GATAD2B: variants seen among roughly 807,000 people sequenced by gnomAD.
GATAD2B encodes GATA zinc finger domain containing 2B.
GATAD2B carries 8 observed loss-of-function variants against 64.3 expected under a neutral mutation model. That is an observed-to-expected ratio of 0.12 (90% CI 0.07 to 0.22). The LOEUF is 0.22. Among genes scored for constraint, GATAD2B ranks in the 10% least tolerant of loss-of-function variants. The pLI is 1.00. For synonymous variants in GATAD2B, 281 were observed against 271.3 expected (o/e 1.04, Z -0.35); for missense variants, 453 against 752.0 (o/e 0.60, Z 4.65).
chr1:153,865,447 T>C lies in GATAD2B; in HGVS notation c.-1-37099A>G, dbSNP rs544516198. Among the ~76,000 whole-genome samples, 3 of 151,936 alleles carry C rather than the reference T, an allele frequency of 2.0e-5. No homozygotes were observed. In the East Asian group the frequency reaches 5.8e-4, roughly 29 times the overall value. On this transcript the variant is annotated intron_variant, in intron 1 of 10. Transcript: ENST00000368655. ...CTGCACTCCAGCCTAGGTGACAGAG[T>C]GAGACTCCATCTCAAAAACAAATAA...
chr1:153,898,958 A>G (rs1490536346), intron 1 of GATAD2B: 1 of 152,244 alleles, frequency 6.6e-6, no homozygotes, highest in East Asian at 1.9e-4. Context: ...GGAACCGTAC[A>G]TGCTCCTTAC....
rs538993973 is a variant in GATAD2B at position 153,856,407 on chromosome 1, A to G, written c.-1-28059T>C. Among the ~76,000 whole-genome samples the G allele has an allele frequency of 1.3e-4, 20 of 152,302 alleles. No homozygotes were observed. The South Asian group carries it at 3.9e-3, about 30-fold the overall frequency. On this transcript the variant is annotated intron_variant, in intron 1 of 10. Transcript: ENST00000368655. ...GTGGTTTAGAAAAAATGTTTATGCT[A>G]TATATCAACAGCATATTGGTATGTG...
intron 1 of GATAD2B, among the ~76,000 whole-genome samples, chr1:153,909,038 CA>C: frequency 6.6e-6 from 1 of 151,960 alleles, no homozygotes; most frequent in East Asian, 2.0e-4. Flanking sequence ...CCCATCCCCA[CA>C]AAATTTATTT....
chr1:153,845,279 G>A (rs72694233), intron 1 of GATAD2B, among the ~76,000 whole-genome samples: 62,412 of 151,804 alleles, frequency 0.41, 13,961 homozygotes, highest in Non-Finnish European at 0.52. Flanking sequence ...AGGGTGCCAA[G>A]ACAGTTCAAT....
chr1:153,894,171 TA>T (rs1391089618), intron 1 of GATAD2B, among the ~76,000 whole-genome samples: 1 of 151,714 alleles, frequency 6.6e-6, no homozygotes, highest in Non-Finnish European at 1.5e-5. Context: ...GGAGAGAACA[TA>T]AAACAGACTT....
intron 1 of GATAD2B, among the ~76,000 whole-genome samples, chr1:153,855,540 G>T (rs1294762201): frequency 6.6e-6 from 1 of 151,862 alleles, no homozygotes; most frequent in African/African-American, 2.4e-5. Context: ...GTTTTCTATG[G>T]CTGCTATAAT....
At chr1:153,881,549 C>T (rs2101939990) in intron 1 of GATAD2B, among the ~76,000 whole-genome samples, 1 of 152,256 alleles carries the variant, frequency 6.6e-6, no homozygotes, top group Middle Eastern at 3.4e-3. Context: ...GAAACCTCAG[C>T]ATATTACCTT....
At chr1:153,843,181 C>G (rs1050006932) in intron 1 of GATAD2B, among the ~76,000 whole-genome samples, 1 of 151,604 alleles carries the variant, frequency 6.6e-6, no homozygotes, top group African/African-American at 2.4e-5. Context: ...GTTGCCCAGG[C>G]TGGAATGCAG....
intron 1 of GATAD2B, among the ~76,000 whole-genome samples, chr1:153,883,529 A>C (rs1677067655): frequency 6.6e-6 from 1 of 152,206 alleles, no homozygotes; most frequent in Non-Finnish European, 1.5e-5. Context: ...GTCGCAAGCA[A>C]AATAGATTAT....
rs181190050 is a variant in GATAD2B at position 153,861,878 on chromosome 1, A to G, written c.-1-33530T>C. 6.1e-3 allele frequency among the ~76,000 whole-genome samples: 866 copies of G among 141,458 alleles called. 10 individuals are homozygous for G. Among genetic ancestry groups the G allele is most frequent in the African/African-American group, 0.018 (640 of 35,180 alleles). 92.8% of individuals were successfully genotyped at this position (141,458 alleles called of 152,430 possible). ...TATGTATATATGTATATATATGTGT[A>G]TATATATATATGCATATCACTAAAG... is the stretch of plus-strand genomic sequence containing the variant. On this transcript the variant is annotated intron_variant, in intron 1 of 10. Coordinates refer to ENST00000368655, the MANE Select transcript of GATAD2B (RefSeq NM_020699.4).
intron 1 of GATAD2B, among the ~76,000 whole-genome samples, chr1:153,910,069 T>A (rs571305293): frequency 1.3e-5 from 2 of 151,840 alleles, no homozygotes; most frequent in Non-Finnish European, 2.9e-5. Context: ...GAGCCAAGAA[T>A]GCGCCACTGT....
chr1:153,892,163 C>CAAAAAAAAAAAA (rs900308080), intron 1 of GATAD2B, among the ~76,000 whole-genome samples: 5 of 50,314 alleles, frequency 9.9e-5, no homozygotes, highest in African/African-American at 1.6e-4. Flanking sequence ...GACTCCGTCT[C>CAAAAAAAAAAAA]AAAAAAAAAA....
intron 1 of GATAD2B, among the ~76,000 whole-genome samples, chr1:153,863,357 G>C (rs374123774): frequency 3.3e-5 from 5 of 151,786 alleles, no homozygotes; most frequent in African/African-American, 1.2e-4. Context: ...TTAGCTGGGC[G>C]TGGTGGTGCA....
intron 1 of GATAD2B, among the ~76,000 whole-genome samples, chr1:153,831,019 C>T (rs1022537984): frequency 6.6e-6 from 1 of 152,170 alleles, no homozygotes; most frequent in Admixed American, 6.6e-5. Context: ...GATCCTCCTG[C>T]GTCAGCCTCT....
chr1:153,865,376 G>A (rs1676440047), intron 1 of GATAD2B, among the ~76,000 whole-genome samples: 1 of 151,920 alleles, frequency 6.6e-6, no homozygotes, highest in Non-Finnish European at 1.5e-5. Flanking sequence ...CAGGAGAATC[G>A]CTTGAACATG....
intron 1 of GATAD2B, among the ~76,000 whole-genome samples, chr1:153,901,936 G>C (rs1677789048): frequency 6.7e-6 from 1 of 149,102 alleles, no homozygotes; most frequent in African/African-American, 2.5e-5. Flanking sequence ...TGGGGCAACA[G>C]GGATAATCAG....
chr1:153,826,819 T>C (rs969862818), intron 2 of GATAD2B, among the ~76,000 whole-genome samples: 1 of 151,834 alleles, frequency 6.6e-6, no homozygotes, highest in Non-Finnish European at 1.5e-5. Flanking sequence ...TGCACACCTG[T>C]AGTCCCAGCT....
chr1:153,845,603 G>C (rs926658807), intron 1 of GATAD2B, among the ~76,000 whole-genome samples: 11 of 149,930 alleles, frequency 7.3e-5, no homozygotes, highest in African/African-American at 2.7e-4. Flanking sequence ...AAATTAGCCA[G>C]GTGTGGTAGT....
At chr1:153,818,667 CAGACTAAA>C in intron 4 of GATAD2B, 116 bp downstream of exon 4, 1 of 841,444 alleles carries the variant, frequency 1.2e-6, no homozygotes, top group Non-Finnish European at 1.9e-6. Flanking sequence ...ACTACTACTA[CAGACTAAA>C]AAACTACGGA....
Sources: allele counts gnomAD v4.1 joint callset (sites outside exome capture counted in the v4.1 genomes callset), GRCh38; gene constraint gnomAD v4.1.1; transcripts MANE v1.5; gene names NCBI Gene and HGNC (gene_info 2026-07-23, HGNC 2026-07-21).